ANGPT4: variants seen among roughly 807,000 people sequenced by gnomAD.
ANGPT4 encodes angiopoietin-4.
In ANGPT4, 50 loss-of-function variants were observed where a neutral mutation model predicts 53.0. The ratio of observed to expected loss-of-function variants is 0.94; its 90% CI spans 0.75 to 1.20. The LOEUF (loss-of-function observed/expected upper bound fraction) is 1.20, where lower values mean the gene tolerates loss of function less well. ANGPT4 is among the 50% of genes most tolerant of loss of function. The pLI is 0.00. For synonymous variants in ANGPT4, 251 were observed against 259.7 expected (o/e 0.97, Z 0.32); for missense variants, 648 against 637.1 (o/e 1.02, Z -0.18).
chr20:889,116 C>T (rs1354399910), intron 2 of ANGPT4, among the ~76,000 whole-genome samples: 1 of 152,210 alleles, frequency 6.6e-6, no homozygotes, highest in Non-Finnish European at 1.5e-5. Context: ...AGCCTGGCTG[C>T]AGCCCTACCT....
At chr20:881,832 T>C (rs1206058223) in intron 4 of ANGPT4, among the ~76,000 whole-genome samples, 6 of 152,088 alleles carry the variant, frequency 3.9e-5, no homozygotes, top group Non-Finnish European at 8.8e-5. Flanking sequence ...GAGGGGGGCC[T>C]GGAGGGGATG....
chr20:890,142 A>C (rs1981775447), intron 2 of ANGPT4, 71 bp downstream of exon 2: 2 of 1,553,800 alleles, frequency 1.3e-6, no homozygotes, highest in Non-Finnish European at 1.7e-6. Flanking sequence ...GATCAAGGTA[A>C]GATGACTGGG....
At chr20:896,456 G>A (rs183665639) in intron 1 of ANGPT4, among the ~76,000 whole-genome samples, 274 of 152,310 alleles carry the variant, frequency 1.8e-3, no homozygotes, top group African/African-American at 6.1e-3. Context: ...AGTCAGGAGG[G>A]AGGGAATTCC....
Position 914,336 on chromosome 20 carries a change from C to T in ANGPT4, c.309+1570G>A, listed in dbSNP as rs1982833777. On this transcript the variant is annotated intron_variant, in intron 1 of 8. Coordinates refer to ENST00000381922, the MANE Select transcript of ANGPT4 (RefSeq NM_015985.4). This position sits in a 1 kb window ranked among gnomAD's most constrained non-coding sequence, Gnocchi z 5.0. ...AGGTGGTTATTTCGTACGGGGAGGA[C>T]AAGGAGGGCCTCTGGGGAGATGGCG... 6.6e-6 allele frequency among the ~76,000 whole-genome samples: 1 copy of T among 151,896 alleles called. No individual in the cohort carries two copies. Among genetic ancestry groups the T allele is most frequent in the Admixed American group, 6.6e-5 (1 of 15,256 alleles).
At position 914,835 on chromosome 20, in the gene ANGPT4, G is replaced by A. The variant is rs550886007; in HGVS notation, c.309+1071C>T. 7.9e-5 allele frequency among the ~76,000 whole-genome samples: 12 copies of A among 152,092 alleles called. No individual in the cohort carries two copies. The highest frequency in any genetic ancestry group is 3.9e-4 in the East Asian group (2 of 5,184). ...ACACCTCTGTAGTCAGTGCTTCTCC[G>A]AGGGTACACAATAGGTGCTCACACT... On this transcript the variant is annotated intron_variant, in intron 1 of 8. Transcript: ENST00000381922. This position sits in a 1 kb window ranked among gnomAD's most constrained non-coding sequence, Gnocchi z 5.0.
At chr20:893,561 C>T (rs570699924) in intron 1 of ANGPT4, among the ~76,000 whole-genome samples, 1 of 152,306 alleles carries the variant, frequency 6.6e-6, no homozygotes, top group South Asian at 2.1e-4. Context: ...TTTGGACTTC[C>T]ACATCCCTCT....
rs1275331794 is a variant in ANGPT4, at chr20:878,309, C to G, written c.1072G>C (p.Gly358Arg). Reference protein sequence around the residue: ...DYKQGFGDPAGEHWLGNEVVH... With the variant: ...DYKQGFGDPAREHWLGNEVVH... ...ACTTCATTGCCCAGCCAGTGCTCCC[C>G]AGCTGGGTCTCCGAAGCCCTATAGG... Residue 358 changes from glycine (G) to arginine (R), a missense_variant, in exon 7 of 9, where the codon GGG becomes CGG. Transcript: ENST00000381922. The G allele has an allele frequency of 3.7e-6, 6 of 1,606,618 alleles. No individual in the cohort carries two copies. Among genetic ancestry groups the G allele is most frequent in the Non-Finnish European group, 5.1e-6 (6 of 1,173,876 alleles).
At chr20:876,689 A>G (rs574744434) in intron 7 of ANGPT4, among the ~76,000 whole-genome samples, 20 of 152,334 alleles carry the variant, frequency 1.3e-4, no homozygotes, top group African/African-American at 4.8e-4. Flanking sequence ...TCGGGATTTA[A>G]GCCTTTGCTT....
intron 2 of ANGPT4, 48 bp downstream of exon 2, chr20:890,165 C>A: frequency 6.3e-7 from 1 of 1,590,360 alleles, no homozygotes; most frequent in Non-Finnish European, 8.6e-7. Context: ...TACGAACCAG[C>A]CTGGCCAGCC....
chr20:878,604 C>T (rs534661531), intron 6 of ANGPT4, among the ~76,000 whole-genome samples: 1 of 152,280 alleles, frequency 6.6e-6, no homozygotes, highest in South Asian at 2.1e-4. Flanking sequence ...TATTTGGTGA[C>T]TACCTTTGGT....
At position 878,196 on chromosome 20, in the gene ANGPT4, T is replaced by C. The variant is rs762660025; in HGVS notation, c.1185A>G (p.Glu395=). 2 of 1,606,622 alleles carry C rather than the reference T, an allele frequency of 1.2e-6. No individual in the cohort carries two copies. Among genetic ancestry groups the C allele is most frequent in the East Asian group, 2.2e-5 (1 of 44,644 alleles). The change falls in exon 7 of 9, where the codon GAA becomes GAG. Residue 395 remains glutamate, a synonymous_variant. Coordinates refer to ENST00000381922, the MANE Select transcript of ANGPT4 (RefSeq NM_015985.4). Reference sequence around the variant, plus strand: ...GGTTCTCACTGCCCAGGTGGAAATGTTCGTACTGGGCATAGGCCTCGTGGC... The same window carrying C: ...GGTTCTCACTGCCCAGGTGGAAATGCTCGTACTGGGCATAGGCCTCGTGGC... ...WEGHEAYAQY[E]HFHLGSENQL...
chr20:870,061 A>C lies in ANGPT4; in HGVS notation c.*2899T>G, dbSNP rs999777898. 10 of 152,300 alleles carry C rather than the reference A, an allele frequency of 6.6e-5. No individual in the cohort carries two copies. The highest frequency in any genetic ancestry group is 2.4e-4 in the African/African-American group (10 of 41,436). The allele number at this position is 152,300 out of a possible 1,614,324, so 9.4% of individuals were successfully genotyped here. A position where few individuals can be genotyped will look rare whatever the true frequency, so the allele number is the denominator to read the frequency against. The stretch of plus-strand genomic sequence containing the variant: ...GTCAACGGGGCAGATGGAGGGGCTG[A>C]GAGGTGGAGCTGACATCATTTGAGC... On this transcript the variant is annotated 3_prime_UTR_variant, in exon 9 of 9. Transcript: ENST00000381922.
chr20:870,747 A>G lies in ANGPT4; in HGVS notation c.*2213T>C, dbSNP rs1262212366. The G allele has an allele frequency of 6.6e-6, 1 of 152,110 alleles. No individual in the cohort carries two copies. The highest frequency in any genetic ancestry group is 2.4e-5 in the African/African-American group (1 of 41,426). The allele number at this position is 152,110 out of a possible 1,614,324, so 9.4% of individuals were successfully genotyped here. A position where few individuals can be genotyped will look rare whatever the true frequency, so the allele number is the denominator to read the frequency against. ...TAAATGATGTGGATACAAAAATAAA[A>G]TGCCTTTTCCTCACCTGAGTGCAGG... is the stretch of plus-strand genomic sequence containing the variant. On this transcript the variant is annotated 3_prime_UTR_variant, in exon 9 of 9. Coordinates refer to ENST00000381922, the MANE Select transcript of ANGPT4 (RefSeq NM_015985.4).
intron 1 of ANGPT4, among the ~76,000 whole-genome samples, chr20:898,950 C>G (rs1361364518): frequency 6.6e-6 from 1 of 152,206 alleles, no homozygotes; most frequent in East Asian, 1.9e-4. Flanking sequence ...ACACCCAGAG[C>G]CCCTGGAAAT....
At position 881,285 on chromosome 20, in the gene ANGPT4, G is replaced by A. The variant is rs1023903816; in HGVS notation, c.837C>T (p.Ala279=). The change falls in exon 5 of 9, where the codon GCC becomes GCT. Residue 279 remains alanine, a splice_region_variant and synonymous_variant. Transcript: ENST00000381922. ...ACACCTGCTCACCTGCCATTATGAA[G>A]GCTGCAAAGGGACAACACAAAAGTC... The part of the protein sequence containing the change: ...VQERANASAP[A]FIMAGEQVFQ... The A allele has an allele frequency of 6.2e-7, 1 of 1,614,042 alleles. No individual in the cohort carries two copies. The highest frequency in any genetic ancestry group is 1.1e-5 in the South Asian group (1 of 91,078).
intron 1 of ANGPT4, among the ~76,000 whole-genome samples, chr20:898,393 C>G (rs1010676086): frequency 6.6e-6 from 1 of 152,172 alleles, no homozygotes; most frequent in African/African-American, 2.4e-5. Context: ...GCTCCTTTTT[C>G]TTTATCTGAC....
At chr20:881,549 C>T (rs952284709) in intron 4 of ANGPT4, among the ~76,000 whole-genome samples, 5 of 152,088 alleles carry the variant, frequency 3.3e-5, no homozygotes, top group Admixed American at 2.0e-4. Flanking sequence ...GTAGGAAGGG[C>T]CCTAGTGTGT....
intron 1 of ANGPT4, among the ~76,000 whole-genome samples, chr20:897,797 C>T (rs181379356): frequency 1.3e-5 from 2 of 152,316 alleles, no homozygotes; most frequent in Non-Finnish European, 1.5e-5. Context: ...ATTCCCCCTT[C>T]TTCTCCCTTA....
At position 911,320 on chromosome 20, in the gene ANGPT4, C is replaced by T. The variant is rs1052856274; in HGVS notation, c.309+4586G>A. ...TGGGGCAGTGCCAGGTTGGGAGGCC[C>T]CTGCCCAGCCCCTGACCCCTCTCTG... On this transcript the variant is annotated intron_variant, in intron 1 of 8. Transcript: ENST00000381922. The surrounding 1 kb of genome is among the most constrained non-coding windows in gnomAD (Gnocchi z 4.9). Among the ~76,000 whole-genome samples, 6 of 152,184 alleles carry T rather than the reference C, an allele frequency of 3.9e-5. No individual in the cohort carries two copies. Among genetic ancestry groups the T allele is most frequent in the Admixed American group, 1.3e-4 (2 of 15,282 alleles).
Sources: allele counts gnomAD v4.1 joint callset (sites outside exome capture counted in the v4.1 genomes callset), GRCh38; gene constraint gnomAD v4.1.1; non-coding constraint Gnocchi (gnomAD v3.1); transcripts MANE v1.5; gene names NCBI Gene and HGNC (gene_info 2026-07-23, HGNC 2026-07-21).